The following CIBAR2 variants were observed in gnomAD, a reference collection of about 807,000 sequenced individuals.
The protein encoded by CIBAR2 is CBY1-interacting BAR domain-containing protein 2.
A neutral mutation model predicts 36.2 loss-of-function variants in CIBAR2; 38 were observed. The observed-to-expected ratio is 1.05, with a 90% CI of 0.81 to 1.38. The LOEUF is 1.38. CIBAR2 is among the 40% of genes most tolerant of loss of function. The pLI is 0.00. For synonymous variants in CIBAR2, 182 were observed against 149.5 expected, an observed-to-expected ratio of 1.22 and a Z score of -1.58; for missense variants, 481 against 383.4, an observed-to-expected ratio of 1.25 and a Z score of -2.13.
chr16:85,107,820 C>A, intron 4 of CIBAR2, 26 bp downstream of exon 4: 1 of 1,600,894 alleles, frequency 6.2e-7, no homozygotes, highest in Non-Finnish European at 8.6e-7. Flanking sequence ...CCGGCAGCCC[C>A]AGGCCCCACT....
In CIBAR2 at chr16:85,110,914, A is replaced by G. The variant is rs2074037740; in HGVS notation, c.21-454T>C. ...GAGACAGGGTTTCACCATGTTGGCC[A>G]GGCTGGTCTTGAACTCCTGACCTCA... On this transcript the variant is annotated intron_variant, in intron 1 of 8. Coordinates refer to ENST00000539556, the MANE Select transcript of CIBAR2 (RefSeq NM_198491.3). Among the ~76,000 whole-genome samples the G allele has an allele frequency of 4.6e-5, 7 of 152,218 alleles. No homozygotes were observed. The South Asian group carries it at 1.5e-3, about 32-fold the overall frequency.
rs566003831 is a variant in CIBAR2, at chr16:85,110,259, G to A, written c.222C>T (p.Asp74=). 2 of 1,594,312 alleles carry A rather than the reference G, an allele frequency of 1.3e-6. No individual in the cohort carries two copies. The highest frequency in any genetic ancestry group is 2.7e-5 in the African/African-American group (2 of 74,580). The change falls in exon 2 of 9, where the codon GAC becomes GAT. Residue 74 remains aspartate (D), a synonymous_variant. Coordinates refer to ENST00000539556, the MANE Select transcript of CIBAR2 (RefSeq NM_198491.3). The part of the protein sequence containing the change: ...LRATMRGFAE[D]LAKVQDYRQA... ...GCCGGTAATCCTGCACTTTGGCCAG[G>A]TCCTCAGCGAAGCCCCTCATGGTGG... is the stretch of plus-strand genomic sequence containing the variant.
intron 1 of CIBAR2, among the ~76,000 whole-genome samples, chr16:85,111,065 A>G (rs573387523): frequency 1.3e-5 from 2 of 152,002 alleles, no homozygotes; most frequent in South Asian, 4.2e-4. Flanking sequence ...GCGATGACTG[A>G]TCCACCGCAT....
intron 2 of CIBAR2, among the ~76,000 whole-genome samples, chr16:85,108,496 C>A (rs1273065402): frequency 6.6e-6 from 1 of 152,214 alleles, no homozygotes; most frequent in Admixed American, 6.5e-5. Context: ...CCCCGTCTCC[C>A]AACTGCCACA....
chr16:85,106,445 G>C (rs2073996445), intron 5 of CIBAR2, among the ~76,000 whole-genome samples: 1 of 152,144 alleles, frequency 6.6e-6, no homozygotes, highest in Non-Finnish European at 1.5e-5. Context: ...CTTGCCATGG[G>C]AGATGATCCT....
At chr16:85,100,016 C>T in intron 8 of CIBAR2, 123 bp downstream of exon 8, 1 of 740,906 alleles carries the variant, frequency 1.3e-6, no homozygotes. Flanking sequence ...CCTGCCTCCT[C>T]AGCCTCCCAT....
At chr16:85,104,625 A>G (rs1052698257) in intron 6 of CIBAR2, among the ~76,000 whole-genome samples, 1 of 152,152 alleles carries the variant, frequency 6.6e-6, no homozygotes, top group Non-Finnish European at 1.5e-5. Flanking sequence ...CTGAGGCAGG[A>G]GAATCACTTA....
intron 1 of CIBAR2, among the ~76,000 whole-genome samples, chr16:85,110,830 G>A (rs955718508): frequency 5.3e-5 from 8 of 151,192 alleles, no homozygotes; most frequent in African/African-American, 2.0e-4. Context: ...TCAGCCTCCT[G>A]AGTAGGTGGG....
rs1030730158 is a variant in CIBAR2 at position 85,110,563 on chromosome 16, G to A, written c.21-103C>T. 8.2e-6 allele frequency: 7 copies of A among 854,784 alleles called. No homozygotes were observed. The East Asian group carries it at 8.2e-5, about 10-fold the overall frequency. The allele number at this position is 854,784 out of a possible 1,614,324, so 52.9% of individuals were successfully genotyped here. On this transcript the variant is annotated intron_variant, in intron 1 of 8. Transcript: ENST00000539556. Reference sequence around the variant, plus strand: ...ATGAAAACAGGAGCTGCCACCAGCCGGCCTCTGGTGTGGCACGCACATGCC... The same window carrying A: ...ATGAAAACAGGAGCTGCCACCAGCCAGCCTCTGGTGTGGCACGCACATGCC...
At chr16:85,107,567 C>T in intron 5 of CIBAR2, 100 bp downstream of exon 5, 2 of 1,324,552 alleles carry the variant, frequency 1.5e-6, no homozygotes, top group Non-Finnish European at 1.1e-6. Flanking sequence ...GTCCTGCACA[C>T]ACCTGCTTCA....
chr16:85,106,347 C>T (rs1184431485), intron 5 of CIBAR2, among the ~76,000 whole-genome samples: 1 of 152,148 alleles, frequency 6.6e-6, no homozygotes, highest in Admixed American at 6.5e-5. Flanking sequence ...ATGTCTGCAT[C>T]CTAATCCCTG....
chr16:85,099,179 A>T lies in CIBAR2; in HGVS notation c.*6T>A. 3.9e-6 allele frequency: 6 copies of T among 1,554,270 alleles called. No homozygotes were observed. The highest frequency in any genetic ancestry group is 5.2e-6 in the Non-Finnish European group (6 of 1,152,490). On this transcript the variant is annotated 3_prime_UTR_variant, in exon 9 of 9. Coordinates refer to ENST00000539556, the MANE Select transcript of CIBAR2 (RefSeq NM_198491.3). ...AACGGCTTGGGATTGCACTTACCCT[A>T]CGTCGTTAGAGAGAATGTCCTGGAA... is the stretch of plus-strand genomic sequence containing the variant.
At position 85,098,611 on chromosome 16, in the gene CIBAR2, G is replaced by T. The variant is rs2073929152; in HGVS notation, c.*574C>A. ...CAGTGCCCTGAGGTCCTCCACGGGG[G>T]CCTCCTCCATGGAGTTGTCCTCACT... On this transcript the variant is annotated 3_prime_UTR_variant, in exon 9 of 9. Coordinates refer to ENST00000539556, the MANE Select transcript of CIBAR2 (RefSeq NM_198491.3). 5.1e-6 allele frequency: 5 copies of T among 985,650 alleles called. No homozygotes were observed. Among genetic ancestry groups the T allele is most frequent in the Non-Finnish European group, 6.0e-6 (5 of 829,732 alleles). 61.1% of individuals were successfully genotyped at this position (985,650 alleles called of 1,614,324 possible).
chr16:85,108,479 G>A (rs2074015340), intron 2 of CIBAR2, among the ~76,000 whole-genome samples: 2 of 152,194 alleles, frequency 1.3e-5, no homozygotes, highest in Admixed American at 1.3e-4. Flanking sequence ...CTACACGACA[G>A]CCCTGGCCCC....
intron 1 of CIBAR2, among the ~76,000 whole-genome samples, 170 bp from the exon 2 acceptor site, chr16:85,110,630 C>T (rs985235796): frequency 1.3e-5 from 2 of 150,988 alleles, no homozygotes; most frequent in Non-Finnish European, 2.9e-5. Context: ...GCCATTGAGG[C>T]TGATGAGGGG....
chr16:85,111,938 G>A (rs1029421701), intron 1 of CIBAR2, among the ~76,000 whole-genome samples: 5 of 152,258 alleles, frequency 3.3e-5, no homozygotes, highest in Non-Finnish European at 7.3e-5. Flanking sequence ...AATGAACGGG[G>A]CAGGGCAGGC....
At chr16:85,105,519 C>T (rs931041416) in intron 5 of CIBAR2, 88 bp from the exon 6 acceptor site, 2 of 961,564 alleles carry the variant, frequency 2.1e-6, no homozygotes, top group Admixed American at 2.0e-5. Context: ...TCTCTAAACC[C>T]TTCTCTCAGG....
At chr16:85,111,970 C>T (rs755297121) in intron 1 of CIBAR2, among the ~76,000 whole-genome samples, 1 of 152,182 alleles carries the variant, frequency 6.6e-6, no homozygotes, top group Non-Finnish European at 1.5e-5. Flanking sequence ...GCAGGGATGG[C>T]ATGGGCCGGG....
At chr16:85,107,159 G>A (rs889184135) in intron 5 of CIBAR2, among the ~76,000 whole-genome samples, 5 of 151,922 alleles carry the variant, frequency 3.3e-5, no homozygotes, top group East Asian at 3.9e-4. Flanking sequence ...AAAAAAAAGG[G>A]GGGGGGCACT....
Sources: gnomAD v4.1 joint callset for allele counts (sites outside exome capture counted in the v4.1 genomes callset) on GRCh38, gnomAD v4.1.1 for gene constraint, MANE v1.5 for transcripts, NCBI Gene and HGNC (gene_info 2026-07-23, HGNC 2026-07-21) for gene names.